The following FRMPD3 variants were observed in gnomAD, a reference collection of about 807,000 sequenced individuals.
FRMPD3 encodes the protein FERM and PDZ domain containing 3, also known as FERM and PDZ domain-containing protein 3.
In FRMPD3, 42 loss-of-function variants were observed where a neutral mutation model predicts 97.9. The observed-to-expected ratio is 0.43, with a 90% confidence interval of 0.34 to 0.55. The LOEUF (loss-of-function observed/expected upper bound fraction) is 0.55, where lower values mean the gene tolerates loss of function less well. Ranked by LOEUF, FRMPD3 falls within the 20% of genes least tolerant of loss-of-function variation. The pLI is 0.03. For synonymous variants in FRMPD3, 577 were observed against 581.1 expected (o/e 0.99, Z 0.10); for missense variants, 1,303 against 1,457.7 (o/e 0.89, Z 1.73).
At chrX:107,505,235 T>C (rs953464247) in intron 1 of FRMPD3, among the ~76,000 whole-genome samples, 2 of 112,337 alleles carry the variant, frequency 1.8e-5, no homozygotes, top group African/African-American at 6.5e-5. Context: ...TCCCATGAAG[T>C]AGGATAAGAA....
intron 4 of FRMPD3, among the ~76,000 whole-genome samples, chrX:107,542,032 G>A (rs769680339): frequency 8.9e-6 from 1 of 112,983 alleles, no homozygotes; most frequent in South Asian, 3.7e-4. Context: ...TGGCAGAGAA[G>A]AGAGGTGACT....
chrX:107,522,792 G>T (rs1337479777), intron 1 of FRMPD3, among the ~76,000 whole-genome samples: 1 of 111,828 alleles, frequency 8.9e-6, no homozygotes, highest in Non-Finnish European at 1.9e-5. Context: ...TAAATAGAGA[G>T]GGCAAGCCTG....
chrX:107,478,900 G>A (rs1044576010), intron 1 of FRMPD3, among the ~76,000 whole-genome samples: 2 of 111,415 alleles, frequency 1.8e-5, no homozygotes, highest in Admixed American at 1.9e-4. Context: ...TTTGGGGTGG[G>A]GTGGGGGTAG....
intron 1 of FRMPD3, among the ~76,000 whole-genome samples, chrX:107,517,485 C>T (rs1453621068): frequency 5.4e-5 from 6 of 111,536 alleles, no homozygotes; most frequent in African/African-American, 1.6e-4. Flanking sequence ...CATGGCCGGG[C>T]GTGGTGGCTC....
At chrX:107,506,015 T>A (rs1569413190) in intron 1 of FRMPD3, among the ~76,000 whole-genome samples, 3 of 112,144 alleles carry the variant, frequency 2.7e-5, no homozygotes, top group Admixed American at 9.4e-5. Context: ...AGAACACTGG[T>A]TGCCTGCTCC....
chrX:107,526,614 T>G lies in FRMPD3; in HGVS notation c.26T>G (p.Met9Arg). Residue 9 changes from methionine (M) to arginine (R), a missense_variant, in exon 2 of 15, where the codon ATG becomes AGG. Coordinates refer to ENST00000683843, the MANE Select transcript of FRMPD3 (RefSeq NM_001388459.1). MQEESAND[M>R]ECEQLPAEIL... is the part of the protein sequence containing the mutation. ...ATGCAGGAAGAGAGCGCAAATGATA[T>G]GGAATGTGAGCAGCTGCCAGCAGAG... 2 of 1,204,389 alleles carry G rather than the reference T, an allele frequency of 1.7e-6. No homozygotes were observed. The highest frequency in any genetic ancestry group is 2.2e-6 in the Non-Finnish European group (2 of 893,142).
In FRMPD3 at chrX:107,597,550, G is replaced by A. The variant is rs906123987; in HGVS notation, c.1671G>A (p.Arg557=). ...NENLIFFEET[R]PRTKSDPTSK... is the part of the protein sequence containing the mutation. ...ACCTAATCTTCTTTGAGGAGACCAGGCCCCGAACCAAGTCTGACCCCACAT... is the reference window on the plus strand; with the variant it reads ...ACCTAATCTTCTTTGAGGAGACCAGACCCCGAACCAAGTCTGACCCCACAT... Residue 557 remains arginine (R), a synonymous_variant, in exon 14 of 15, where the codon AGG becomes AGA. Coordinates refer to ENST00000683843, the MANE Select transcript of FRMPD3 (RefSeq NM_001388459.1). 8.3e-7 allele frequency: 1 copy of A among 1,208,816 alleles called. No homozygotes were observed. The highest frequency in any genetic ancestry group is 1.8e-5 in the African/African-American group (1 of 57,131).
At chrX:107,474,228 G>A (rs745504735) in intron 1 of FRMPD3, among the ~76,000 whole-genome samples, 5 of 112,122 alleles carry the variant, frequency 4.5e-5, no homozygotes, top group Non-Finnish European at 9.4e-5. Context: ...TGCCCTGGCC[G>A]TGCAGCTTAG....
chrX:107,557,839 A>G (rs1369290442), intron 8 of FRMPD3, among the ~76,000 whole-genome samples: 20 of 65,522 alleles, frequency 3.1e-4, no homozygotes, highest in African/African-American at 1.3e-3. Flanking sequence ...ATATATATAT[A>G]TAGATCTATT....
chrX:107,513,549 C>T (rs886794877), intron 1 of FRMPD3, among the ~76,000 whole-genome samples: 4 of 111,789 alleles, frequency 3.6e-5, no homozygotes, highest in Non-Finnish European at 5.6e-5. Context: ...GGAACCATGC[C>T]GTCTCCCATT....
chrX:107,450,605 G>C (rs191866139), intron 1 of FRMPD3, among the ~76,000 whole-genome samples: 3,857 of 94,969 alleles, frequency 0.041, 286 homozygotes, highest in African/African-American at 0.17. Context: ...CACACACAGA[G>C]AGAGAGAGAG....
At chrX:107,502,014 A>G (rs1465551558) in intron 1 of FRMPD3, among the ~76,000 whole-genome samples, 1 of 110,812 alleles carries the variant, frequency 9.0e-6, no homozygotes, top group Non-Finnish European at 1.9e-5. Context: ...GCACATTATT[A>G]CAAGGTTAAG....
intron 1 of FRMPD3, among the ~76,000 whole-genome samples, chrX:107,469,134 T>A (rs748324150): frequency 2.4e-4 from 27 of 111,757 alleles, no homozygotes; most frequent in African/African-American, 8.8e-4. Context: ...CCAGTAGGCA[T>A]TGAAAAACTG....
At chrX:107,457,556 A>T (rs1027162848) in intron 1 of FRMPD3, among the ~76,000 whole-genome samples, 1 of 111,712 alleles carries the variant, frequency 9.0e-6, no homozygotes, top group African/African-American at 3.3e-5. Flanking sequence ...CTCAAGATCC[A>T]TGTCTTTCCT....
In FRMPD3 at chrX:107,601,865, T is replaced by A; in HGVS notation, c.3826T>A (p.Cys1276Ser). The stretch of plus-strand genomic sequence containing the variant: ...CCTGCAACCTCCAGCACCTGGCCGC[T>A]GCAGCTGCCAGCTCCGCAGCAGCCC... ...EYLQPPAPGR[C>S]SCQLRSSPVQ... The change falls in exon 15 of 15, where the codon TGC becomes AGC. Residue 1276 changes from cysteine to serine, a missense_variant. Physicochemically the swap from Cys to Ser is moderately radical, Grantham distance 112 (BLOSUM62 -1). Coordinates refer to ENST00000683843, the MANE Select transcript of FRMPD3 (RefSeq NM_001388459.1). 1 of 1,209,376 alleles carries A rather than the reference T, an allele frequency of 8.3e-7. No individual in the cohort carries two copies. Among genetic ancestry groups the A allele is most frequent in the Middle Eastern group, 2.3e-4 (1 of 4,344 alleles).
chrX:107,567,860 C>T (rs866554077), intron 12 of FRMPD3, among the ~76,000 whole-genome samples: 4 of 110,871 alleles, frequency 3.6e-5, no homozygotes, highest in Middle Eastern at 4.6e-3. Flanking sequence ...AGGAGGGGAT[C>T]ATGGCACTAG....
At chrX:107,583,108 T>G (rs1351492491) in intron 13 of FRMPD3, among the ~76,000 whole-genome samples, 1 of 110,329 alleles carries the variant, frequency 9.1e-6, no homozygotes, top group Non-Finnish European at 1.9e-5. Flanking sequence ...CTTTTTTTCT[T>G]TTTCTTTTTT....
chrX:107,519,530 A>G (rs898577782), intron 1 of FRMPD3, among the ~76,000 whole-genome samples: 2 of 111,458 alleles, frequency 1.8e-5, no homozygotes, highest in Non-Finnish European at 1.9e-5. Context: ...AATGGTTAAA[A>G]TGGTAACTTT....
chrX:107,531,111 T>TACAC (rs35430860), intron 3 of FRMPD3, among the ~76,000 whole-genome samples: 1,966 of 93,579 alleles, frequency 0.021, 38 homozygotes, highest in African/African-American at 0.047. Flanking sequence ...CTGTGCACAT[T>TACAC]ACACACACAC....
Sources: gnomAD v4.1 joint callset for allele counts (sites outside exome capture counted in the v4.1 genomes callset) on GRCh38, gnomAD v4.1.1 for gene constraint, MANE v1.5 for transcripts, NCBI Gene and HGNC (gene_info 2026-07-23, HGNC 2026-07-21) for gene names.